NCOA1: variants seen among roughly 807,000 people sequenced by gnomAD.
The protein encoded by NCOA1 is nuclear receptor coactivator 1, also known as Hin-2 protein.
A neutral mutation model predicts 150.9 loss-of-function variants in NCOA1; 35 were observed. That is an observed-to-expected ratio of 0.23 (90% CI 0.18 to 0.31). The LOEUF is 0.31. NCOA1 is among the 10% of genes least tolerant of loss of function. NCOA1 has a pLI of 1.00. For synonymous variants in NCOA1, 590 were observed against 630.0 expected (o/e 0.94, Z 0.95); for missense variants, 1,491 against 1,749.3 (o/e 0.85, Z 2.63).
intron 1 of NCOA1, among the ~76,000 whole-genome samples, chr2:24,562,250 T>C (rs1666321391): frequency 1.3e-5 from 2 of 152,204 alleles, no homozygotes; most frequent in African/African-American, 4.8e-5. Context: ...AACCCAAATT[T>C]GAAAATCTGA....
At chr2:24,708,747 C>A (rs1477017017) in intron 13 of NCOA1, among the ~76,000 whole-genome samples, 1 of 152,208 alleles carries the variant, frequency 6.6e-6, no homozygotes, top group African/African-American at 2.4e-5. Context: ...ATAGGTCCTT[C>A]GGTTTCTTGA....
At chr2:24,576,871 C>T (rs1667012710) in intron 2 of NCOA1, among the ~76,000 whole-genome samples, 1 of 152,118 alleles carries the variant, frequency 6.6e-6, no homozygotes, top group African/African-American at 2.4e-5. Flanking sequence ...GTACCTACTG[C>T]AGTAGTAGGG....
intron 1 of NCOA1, among the ~76,000 whole-genome samples, chr2:24,517,468 G>A (rs1436719843): frequency 6.6e-6 from 1 of 151,990 alleles, no homozygotes; most frequent in Non-Finnish European, 1.5e-5. Flanking sequence ...CTGGAGCTGA[G>A]GTTTCTCTCT....
At chr2:24,496,357 C>T (rs1431364401) in intron 1 of NCOA1, among the ~76,000 whole-genome samples, 2 of 152,170 alleles carry the variant, frequency 1.3e-5, no homozygotes, top group East Asian at 3.8e-4. Context: ...AAATACTTCG[C>T]AAACTGTAAA....
rs564069746 is a variant in NCOA1, at chr2:24,546,688, A to C, written c.-395-17607A>C. Among the ~76,000 whole-genome samples the C allele has an allele frequency of 3.3e-5, 5 of 152,202 alleles. No individual in the cohort carries two copies. In the South Asian group the frequency reaches 1.0e-3, roughly 31 times the overall value. On this transcript the variant is annotated intron_variant, in intron 1 of 22. Coordinates refer to ENST00000348332, the MANE Select transcript of NCOA1 (RefSeq NM_003743.5). Reference sequence around the variant, plus strand: ...TACAGCAGTGATTTATAATTTTTACAATTCTGGGGATCAGGAGTTTGAGCA... The same window carrying C: ...TACAGCAGTGATTTATAATTTTTACCATTCTGGGGATCAGGAGTTTGAGCA...
intron 14 of NCOA1, among the ~76,000 whole-genome samples, chr2:24,721,194 A>G (rs1674341575): frequency 6.6e-6 from 1 of 152,146 alleles, no homozygotes; most frequent in Non-Finnish European, 1.5e-5. Flanking sequence ...TAATTTTAAG[A>G]TTTCTAAACA....
intron 21 of NCOA1, among the ~76,000 whole-genome samples, chr2:24,762,397 A>G (rs1664833977): frequency 6.6e-6 from 1 of 152,210 alleles, no homozygotes; most frequent in Non-Finnish European, 1.5e-5. Context: ...ATATAGAGAA[A>G]AGTGTACAAC....
At chr2:24,719,143 A>G (rs1674229048) in intron 14 of NCOA1, among the ~76,000 whole-genome samples, 1 of 151,974 alleles carries the variant, frequency 6.6e-6, no homozygotes, top group Admixed American at 6.6e-5. Flanking sequence ...AAAGGAAGGA[A>G]CTATAATACT....
At chr2:24,653,671 C>T (rs1449927841) in intron 4 of NCOA1, among the ~76,000 whole-genome samples, 1 of 152,066 alleles carries the variant, frequency 6.6e-6, no homozygotes, top group African/African-American at 2.4e-5. Context: ...ATAATTGTAA[C>T]TTATAGCACA....
intron 3 of NCOA1, among the ~76,000 whole-genome samples, chr2:24,635,664 A>C (rs946037987): frequency 6.6e-6 from 1 of 152,158 alleles, no homozygotes; most frequent in Non-Finnish European, 1.5e-5. Flanking sequence ...CTTATCAATT[A>C]CAAAGTAATA....
chr2:24,511,738 T>G (rs1000700918), intron 1 of NCOA1, among the ~76,000 whole-genome samples: 3 of 152,192 alleles, frequency 2.0e-5, no homozygotes, highest in Non-Finnish European at 4.4e-5. Flanking sequence ...TAAGTCCAAT[T>G]TATTGATTTT....
Position 24,751,978 on chromosome 2 carries a change from A to G in NCOA1, c.3707-4A>G. 1 of 1,604,620 alleles carries G rather than the reference A, an allele frequency of 6.2e-7. No homozygotes were observed. The highest frequency in any genetic ancestry group is 8.5e-7 in the Non-Finnish European group (1 of 1,176,686). On this transcript the variant is annotated splice_polypyrimidine_tract_variant and splice_region_variant and intron_variant, in intron 19 of 22. Coordinates refer to ENST00000348332, the MANE Select transcript of NCOA1 (RefSeq NM_003743.5). ...AACATAAATTAATTTGTGTCAATTT[A>G]CAGGAATGGTTCCCCAAGGTGAGGC...
At chr2:24,736,326 A>G (rs996983987) in intron 17 of NCOA1, among the ~76,000 whole-genome samples, 11 of 152,276 alleles carry the variant, frequency 7.2e-5, no homozygotes, top group African/African-American at 2.6e-4. Context: ...AAGGATCATG[A>G]TCTTCATAAC....
chr2:24,739,203 T>C (rs1365114653), intron 17 of NCOA1, among the ~76,000 whole-genome samples: 1 of 152,138 alleles, frequency 6.6e-6, no homozygotes, highest in Non-Finnish European at 1.5e-5. Context: ...TGGAGTGCAG[T>C]GTGTTTGTAT....
At chr2:24,649,149 T>G (rs778893364) in intron 4 of NCOA1, among the ~76,000 whole-genome samples, 12 of 152,270 alleles carry the variant, frequency 7.9e-5, no homozygotes, top group Non-Finnish European at 1.6e-4. Context: ...AGACCACACT[T>G]GAATTCCTGG....
intron 1 of NCOA1, among the ~76,000 whole-genome samples, chr2:24,506,075 C>T (rs2148090025): frequency 6.6e-6 from 1 of 151,988 alleles, no homozygotes; most frequent in Non-Finnish European, 1.5e-5. Flanking sequence ...CAATATTTCC[C>T]AGTTAAATGA....
chr2:24,576,157 TTTTTTGTTTTTTG>T (rs765612686), intron 2 of NCOA1, among the ~76,000 whole-genome samples: 1,773 of 93,080 alleles, frequency 0.019, 27 homozygotes, highest in Non-Finnish European at 0.026. Context: ...TTGTTTTTTT[TTTTTTGTTTTTTG>T]TTTTTTTTTT....
At chr2:24,717,719 G>GTA (rs1674119535) in intron 14 of NCOA1, among the ~76,000 whole-genome samples, 1 of 152,128 alleles carries the variant, frequency 6.6e-6, no homozygotes, top group Non-Finnish European at 1.5e-5. Flanking sequence ...GAACTCTAAT[G>GTA]TAAACTGTGG....
intron 3 of NCOA1, among the ~76,000 whole-genome samples, chr2:24,642,304 A>C (rs1474598939): frequency 6.9e-6 from 1 of 145,534 alleles, no homozygotes; most frequent in Non-Finnish European, 1.5e-5. Flanking sequence ...GTGTTTACCC[A>C]TTATATGTAT....
Sources: allele counts gnomAD v4.1 joint callset (sites outside exome capture counted in the v4.1 genomes callset), GRCh38; gene constraint gnomAD v4.1.1; transcripts MANE v1.5; gene names NCBI Gene and HGNC (gene_info 2026-07-23, HGNC 2026-07-21).